The following CCDC88C variants were observed in gnomAD, a reference collection of about 807,000 sequenced individuals.
The protein encoded by CCDC88C is protein Daple.
In CCDC88C, 131 loss-of-function variants were observed where a neutral mutation model predicts 198.8. The ratio of observed to expected loss-of-function variants is 0.66; its 90% CI spans 0.57 to 0.76. The LOEUF (loss-of-function observed/expected upper bound fraction) is 0.76. CCDC88C is among the 30% of genes least tolerant of loss of function. The probability of loss-of-function intolerance (pLI) is 0.00; values close to 1 mark genes in which losing one functional copy is unlikely to be tolerated. For synonymous variants in CCDC88C, 1,166 were observed against 1,114.7 expected, an observed-to-expected ratio of 1.05 and a Z score of -0.92; for missense variants, 2,553 against 2,631.6, an observed-to-expected ratio of 0.97 and a Z score of 0.65.
chr14:91,395,662 AAAC>A (rs1219112935), intron 3 of CCDC88C, among the ~76,000 whole-genome samples: 2 of 152,022 alleles, frequency 1.3e-5, no homozygotes, highest in African/African-American at 4.8e-5. Flanking sequence ...CCGAGAAGGC[AAAC>A]CTGCCTGCTC....
chr14:91,322,531 T>C (rs1348352011), intron 12 of CCDC88C, among the ~76,000 whole-genome samples: 1 of 152,194 alleles, frequency 6.6e-6, no homozygotes, highest in African/African-American at 2.4e-5. Context: ...AAGCTGTAAA[T>C]GAAACTAACC....
intron 2 of CCDC88C, 47 bp from the exon 3 acceptor site, chr14:91,408,814 C>T (rs1886648565): frequency 7.9e-7 from 1 of 1,268,098 alleles, no homozygotes; most frequent in African/African-American, 1.5e-5. Context: ...CCAGCAGCTG[C>T]CACACTTCCT....
chr14:91,402,923 T>C (rs1022157610), intron 3 of CCDC88C, among the ~76,000 whole-genome samples: 2 of 152,222 alleles, frequency 1.3e-5, no homozygotes, highest in Non-Finnish European at 2.9e-5. Context: ...CTTCTGGCCT[T>C]GTGCCCATGC....
rs374622843 is a variant in CCDC88C at position 91,325,922 on chromosome 14, G to A, written c.1185C>T (p.His395=). The A allele has an allele frequency of 6.5e-5, 101 of 1,552,436 alleles. 1 individual carries two copies. The highest frequency in any genetic ancestry group is 6.3e-4 in the South Asian group (53 of 84,100). ...KENLQLKSKL[H]DLELDRDTDK... The stretch of plus-strand genomic sequence containing the variant: ...CAGCCTGCAGTACCAATTCCAGGTC[G>A]TGAAGCTTGGATTTCAGCTGCAGGT... The change falls in exon 11 of 30, where the codon CAC becomes CAT. Residue 395 remains histidine (H), a synonymous_variant. Transcript: ENST00000389857. The surrounding 1 kb of genome is among the most constrained non-coding windows in gnomAD (Gnocchi z 4.1).
chr14:91,410,918 G>C (rs1338931763), intron 2 of CCDC88C, among the ~76,000 whole-genome samples: 1 of 152,168 alleles, frequency 6.6e-6, no homozygotes, highest in Admixed American at 6.5e-5. Context: ...GACATCTCCA[G>C]CACGTGCAAA....
At chr14:91,279,202 T>C in intron 28 of CCDC88C, 36 bp downstream of exon 28, 1 of 1,550,092 alleles carries the variant, frequency 6.5e-7, no homozygotes, top group Non-Finnish European at 8.8e-7. Context: ...CTGGCCCAAA[T>C]CAATTTTTAA....
chr14:91,369,696 G>A (rs1418039433), intron 3 of CCDC88C, among the ~76,000 whole-genome samples: 3 of 152,142 alleles, frequency 2.0e-5, no homozygotes, highest in Admixed American at 6.5e-5. Flanking sequence ...TCCCTCTTCG[G>A]GGCGGGGAGT....
intron 4 of CCDC88C, among the ~76,000 whole-genome samples, chr14:91,356,000 A>C (rs1894025347): frequency 6.6e-6 from 1 of 152,128 alleles, no homozygotes; most frequent in African/African-American, 2.4e-5. Flanking sequence ...AAAAGAGTAC[A>C]AAGCAAGCCC....
intron 12 of CCDC88C, among the ~76,000 whole-genome samples, chr14:91,323,605 A>T (rs1475197611): frequency 6.6e-6 from 1 of 152,210 alleles, no homozygotes; most frequent in Non-Finnish European, 1.5e-5. Flanking sequence ...AGGAGTTGAC[A>T]ACACTAAGAA....
chr14:91,275,087 AG>A (rs1282650107), intron 29 of CCDC88C, among the ~76,000 whole-genome samples: 2 of 152,116 alleles, frequency 1.3e-5, no homozygotes, highest in East Asian at 3.9e-4. Context: ...TGTGTACATT[AG>A]GGGCCTTGTG....
At chr14:91,334,280 C>T (rs1369680226) in intron 10 of CCDC88C, among the ~76,000 whole-genome samples, 1 of 152,232 alleles carries the variant, frequency 6.6e-6, no homozygotes, top group African/African-American at 2.4e-5. Context: ...CTCACTCTGT[C>T]GCCCAGACTG....
At chr14:91,354,698 G>GC (rs528106858) in intron 4 of CCDC88C, among the ~76,000 whole-genome samples, 98 of 152,226 alleles carry the variant, frequency 6.4e-4, no homozygotes, top group African/African-American at 2.3e-3. Flanking sequence ...AGAAAGGTGG[G>GC]CCCCCTGCAT....
At position 91,325,423 on chromosome 14, in the gene CCDC88C, G is replaced by C. The variant is rs1478722228; in HGVS notation, c.1197+487C>G. Reference sequence around the variant, plus strand: ...TGGGTGTTAAGTGGCACCCGCTCAAGCCTGCTGATTTTAGCAAGCTACTCC... The same window carrying C: ...TGGGTGTTAAGTGGCACCCGCTCAACCCTGCTGATTTTAGCAAGCTACTCC... On this transcript the variant is annotated intron_variant, in intron 11 of 29. Transcript: ENST00000389857. The surrounding 1 kb of genome is among the most constrained non-coding windows in gnomAD (Gnocchi z 4.1). Among the ~76,000 whole-genome samples the C allele has an allele frequency of 2.0e-5, 3 of 152,144 alleles. No homozygotes were observed. The highest frequency in any genetic ancestry group is 2.9e-5 in the Non-Finnish European group (2 of 68,026).
intron 3 of CCDC88C, among the ~76,000 whole-genome samples, chr14:91,390,104 A>G (rs1885413140): frequency 6.6e-6 from 1 of 152,114 alleles, no homozygotes; most frequent in African/African-American, 2.4e-5. Flanking sequence ...GATAAAAAAA[A>G]AAAAGAGAAA....
chr14:91,277,670 C>T (rs1340353281), intron 29 of CCDC88C, among the ~76,000 whole-genome samples: 2 of 152,230 alleles, frequency 1.3e-5, no homozygotes, highest in Admixed American at 6.5e-5. Context: ...GCTGGCCACG[C>T]ACCCTTGGTG....
rs370005900 is a variant in CCDC88C at position 91,273,584 on chromosome 14, C to T, written c.5128G>A (p.Gly1710Arg). 20 of 1,493,720 alleles carry T rather than the reference C, an allele frequency of 1.3e-5. No individual in the cohort carries two copies. The highest frequency in any genetic ancestry group is 2.4e-5 in the Admixed American group (1 of 42,498). The allele number at this position is 1,493,720 out of a possible 1,614,324, so 92.5% of individuals were successfully genotyped here. A position where few individuals can be genotyped will look rare whatever the true frequency, so the allele number is the denominator to read the frequency against. ...FRKASDPPAI[G>R]GQPGPPAKKE... ...TTGGCAGGTGGTCCTGGTTGGCCTC[C>T]GATGGCTGGGGGATCGCTGGCCTTT... Residue 1710 changes from glycine (G) to arginine (R), a missense_variant, in exon 30 of 30, where the codon GGA becomes AGA. Physicochemically the swap from Gly to Arg is moderately radical, Grantham distance 125 (BLOSUM62 -2). Coordinates refer to ENST00000389857, the MANE Select transcript of CCDC88C (RefSeq NM_001080414.4). This position sits in a 1 kb window ranked among gnomAD's most constrained non-coding sequence, Gnocchi z 5.6.
chr14:91,372,893 C>T (rs1188679099), intron 3 of CCDC88C, among the ~76,000 whole-genome samples: 3 of 152,172 alleles, frequency 2.0e-5, no homozygotes, highest in African/African-American at 7.2e-5. Context: ...GTCAGGCCCC[C>T]GGAGGTGCTG....
chr14:91,274,715 C>T (rs1419577966), intron 29 of CCDC88C, among the ~76,000 whole-genome samples: 1 of 152,200 alleles, frequency 6.6e-6, no homozygotes, highest in Non-Finnish European at 1.5e-5. Flanking sequence ...CTTTCATCAC[C>T]TGTGGGGCCA....
intron 10 of CCDC88C, among the ~76,000 whole-genome samples, chr14:91,331,904 A>G (rs1567081340): frequency 6.6e-6 from 1 of 152,124 alleles, no homozygotes; most frequent in East Asian, 1.9e-4. Flanking sequence ...CACTGTGCCC[A>G]GGTAGGTCTC....
Sources: gnomAD v4.1 joint callset for allele counts (sites outside exome capture counted in the v4.1 genomes callset) on GRCh38, gnomAD v4.1.1 for gene constraint, Gnocchi (gnomAD v3.1) non-coding constraint, MANE v1.5 for transcripts, NCBI Gene and HGNC (gene_info 2026-07-23, HGNC 2026-07-21) for gene names.